The following GOLM1 variants were observed in gnomAD, a reference collection of about 807,000 sequenced individuals.
GOLM1 encodes golgi membrane protein 1.
A neutral mutation model predicts 50.5 loss-of-function variants in GOLM1; 31 were observed. The ratio of observed to expected loss-of-function variants is 0.61; its 90% confidence interval spans 0.46 to 0.83. The LOEUF is 0.83. Ranked by LOEUF, GOLM1 falls within the 40% of genes least tolerant of loss-of-function variation. The pLI is 0.00. For missense variants in GOLM1, 491 were observed against 501.3 expected, an observed-to-expected ratio of 0.98 and a Z score of 0.20; for synonymous variants, 178 against 192.8, an observed-to-expected ratio of 0.92 and a Z score of 0.64.
chr9:86,033,209 G>A, intron 9 of GOLM1, 73 bp downstream of exon 9: 3 of 837,038 alleles, frequency 3.6e-6, no homozygotes, highest in Non-Finnish European at 6.1e-6. Context: ...GGGATTCATT[G>A]GATAATCACG....
intron 3 of GOLM1, among the ~76,000 whole-genome samples, chr9:86,060,638 T>C (rs370603724): frequency 2.0e-5 from 3 of 151,710 alleles, no homozygotes; most frequent in African/African-American, 7.2e-5. Context: ...TCCCAGCACT[T>C]TGGGAGGCCG....
At chr9:86,053,518 A>ACACCACGGC (rs1833852918) in intron 3 of GOLM1, among the ~76,000 whole-genome samples, 1 of 81,128 alleles carries the variant, frequency 1.2e-5, no homozygotes, top group African/African-American at 4.4e-5. Context: ...TGCTCCACAC[A>ACACCACGGC]ACACACCACT....
intron 9 of GOLM1, among the ~76,000 whole-genome samples, chr9:86,032,523 CAA>C (rs896250906): frequency 2.0e-5 from 3 of 152,088 alleles, no homozygotes; most frequent in African/African-American, 7.2e-5. Context: ...CCAAAACAAA[CAA>C]GTGTGTTGGA....
chr9:86,096,672 C>T (rs1835363974), intron 1 of GOLM1, among the ~76,000 whole-genome samples: 1 of 152,156 alleles, frequency 6.6e-6, no homozygotes, highest in South Asian at 2.1e-4. Context: ...TGACAAGACA[C>T]AGGCCCAAAA....
intron 7 of GOLM1, 115 bp downstream of exon 7, chr9:86,036,233 G>A (rs1283808082): frequency 9.7e-7 from 1 of 1,033,850 alleles, no homozygotes; most frequent in Non-Finnish European, 1.5e-6. Context: ...ACACGTCCCT[G>A]CTCCTGGCTG....
chr9:86,053,338 C>CACA (rs1833838888), intron 3 of GOLM1, among the ~76,000 whole-genome samples: 4 of 111,086 alleles, frequency 3.6e-5, no homozygotes, highest in Non-Finnish European at 8.3e-5. Flanking sequence ...CACACTACAC[C>CACA]ACGCCACAAC....
At chr9:86,090,042 C>A (rs1195881919) in intron 1 of GOLM1, among the ~76,000 whole-genome samples, 1 of 152,174 alleles carries the variant, frequency 6.6e-6, no homozygotes, top group African/African-American at 2.4e-5. Context: ...TGGAGGTCCA[C>A]TCCAGACACT....
At chr9:86,073,750 A>G (rs949600594) in intron 3 of GOLM1, among the ~76,000 whole-genome samples, 1 of 152,224 alleles carries the variant, frequency 6.6e-6, no homozygotes, top group African/African-American at 2.4e-5. Flanking sequence ...CGTGCTGTCC[A>G]ATGTGACCAT....
At position 86,088,420 on chromosome 9, in the gene GOLM1, G is replaced by GTGTATATATATATATATATATA. The variant is rs1157260470; in HGVS notation, c.-21-9080_-21-9079insTATATATATATATATATATACA. ...TGGATTCGTTGTTTTTTTGAAGGGT[G>GTGTATATATATATATATATATA]TATATATATATATATATATATATAT... is the stretch of plus-strand genomic sequence containing the variant. On this transcript the variant is annotated intron_variant, in intron 1 of 9. Coordinates refer to ENST00000388712, the MANE Select transcript of GOLM1 (RefSeq NM_016548.4). Among the ~76,000 whole-genome samples, 13 of 86,300 alleles carry GTGTATATATATATATATATATA rather than the reference G, an allele frequency of 1.5e-4. 1 individual carries two copies. The highest frequency in any genetic ancestry group is 6.3e-4 in the African/African-American group (11 of 17,416). 56.6% of individuals were successfully genotyped at this position (86,300 alleles called of 152,430 possible). A position where few individuals can be genotyped will look rare whatever the true frequency, so the allele number is the denominator to read the frequency against.
At position 86,027,014 on chromosome 9, in the gene GOLM1, G is replaced by C; in HGVS notation, c.*803C>G. ...TCTCACCATGCTCTGCTCCAGGTCA[G>C]CCCCCTTTTGGCCTGTTTGTTTTGT... is the stretch of plus-strand genomic sequence containing the variant. On this transcript the variant is annotated 3_prime_UTR_variant, in exon 10 of 10. Coordinates refer to ENST00000388712, the MANE Select transcript of GOLM1 (RefSeq NM_016548.4). 2 of 985,280 alleles carry C rather than the reference G, an allele frequency of 2.0e-6. No individual in the cohort carries two copies. Among genetic ancestry groups the C allele is most frequent in the Non-Finnish European group, 1.2e-6 (1 of 829,908 alleles). 61.0% of individuals were successfully genotyped at this position (985,280 alleles called of 1,614,324 possible).
intron 3 of GOLM1, among the ~76,000 whole-genome samples, chr9:86,075,315 G>C (rs1370891181): frequency 1.3e-5 from 2 of 152,256 alleles, no homozygotes. Flanking sequence ...TATCACCGCT[G>C]CTGCGGTGGC....
intron 3 of GOLM1, among the ~76,000 whole-genome samples, chr9:86,064,568 C>G (rs752954650): frequency 6.6e-6 from 1 of 152,208 alleles, no homozygotes; most frequent in Non-Finnish European, 1.5e-5. Context: ...GCCCTCTCCC[C>G]ACATGGCCAG....
chr9:86,097,256 A>G (rs948288421), intron 1 of GOLM1, among the ~76,000 whole-genome samples: 2 of 152,184 alleles, frequency 1.3e-5, no homozygotes, highest in African/African-American at 4.8e-5. Context: ...AGCAAGTGAA[A>G]TATCATTCGC....
At chr9:86,098,688 T>C (rs528128567) in intron 1 of GOLM1, among the ~76,000 whole-genome samples, 2 of 152,400 alleles carry the variant, frequency 1.3e-5, no homozygotes, top group South Asian at 2.1e-4. Flanking sequence ...ACATTTTGTT[T>C]CTTAAAAGCA....
chr9:86,056,813 T>A (rs1393629822), intron 3 of GOLM1, among the ~76,000 whole-genome samples: 2 of 151,802 alleles, frequency 1.3e-5, no homozygotes, highest in African/African-American at 2.4e-5. Context: ...CAAAAAAAAA[T>A]TTTTTAAGAG....
chr9:86,073,803 T>A (rs1834525668), intron 3 of GOLM1, among the ~76,000 whole-genome samples: 1 of 152,224 alleles, frequency 6.6e-6, no homozygotes. Context: ...TTAAATAAAA[T>A]TCAGTTCTTC....
rs58193076 is a variant in GOLM1 at position 86,076,421 on chromosome 9, CAAAAAAAA to C, written c.309+983_309+990del. On this transcript the variant is annotated intron_variant, in intron 3 of 9. Coordinates refer to ENST00000388712, the MANE Select transcript of GOLM1 (RefSeq NM_016548.4). ...GGACAACAAGAGGGAAACCCCATCT[CAAAAAAAA>C]AAAAAAAAAAAAAAAAAAAAAAAAA... 1.7e-4 allele frequency among the ~76,000 whole-genome samples: 4 copies of C among 23,330 alleles called. 1 individual carries two copies. The highest frequency in any genetic ancestry group is 5.8e-3 in the South Asian group (2 of 344). 15.3% of individuals were successfully genotyped at this position (23,330 alleles called of 152,430 possible).
chr9:86,035,225 C>T, intron 8 of GOLM1, 143 bp downstream of exon 8: 1 of 1,517,294 alleles, frequency 6.6e-7, no homozygotes. Flanking sequence ...AATAAGAAAC[C>T]TTCAAACGAA....
intron 3 of GOLM1, among the ~76,000 whole-genome samples, chr9:86,066,149 CAA>C (rs540069708): frequency 6.6e-6 from 1 of 152,174 alleles, no homozygotes; most frequent in Non-Finnish European, 1.5e-5. Context: ...AATCTTTCAG[CAA>C]AAGTCACTCA....
Sources: gnomAD v4.1 joint callset for allele counts (sites outside exome capture counted in the v4.1 genomes callset) on GRCh38, gnomAD v4.1.1 for gene constraint, MANE v1.5 for transcripts, NCBI Gene and HGNC (gene_info 2026-07-23, HGNC 2026-07-21) for gene names.